The following GCSAML variants were observed in gnomAD, a reference collection of about 807,000 sequenced individuals.
The protein encoded by GCSAML is germinal center-associated signaling and motility-like protein.
In GCSAML, 9 loss-of-function variants were observed where a neutral mutation model predicts 13.0. The observed-to-expected ratio is 0.69, with a 90% CI of 0.42 to 1.21. The LOEUF is 1.21. GCSAML is among the 50% of genes most tolerant of loss of function. The pLI is 0.00. For synonymous variants in GCSAML, 37 were observed against 52.9 expected (o/e 0.70, Z 1.31); for missense variants, 143 against 153.4 (o/e 0.93, Z 0.36).
chr1:247,538,393 A>G (rs1667294666), intron 2 of GCSAML, among the ~76,000 whole-genome samples: 1 of 152,180 alleles, frequency 6.6e-6, no homozygotes, highest in Non-Finnish European at 1.5e-5. Context: ...CAGCACCTCT[A>G]TGCCAAACTT....
At chr1:247,567,898 G>A (rs1454279859) in intron 4 of GCSAML, among the ~76,000 whole-genome samples, 1 of 152,034 alleles carries the variant, frequency 6.6e-6, no homozygotes, top group Non-Finnish European at 1.5e-5. Context: ...ATCTCATTGT[G>A]GTTTTGATTT....
intron 1 of GCSAML, among the ~76,000 whole-genome samples, chr1:247,510,308 C>G (rs529500025): frequency 1.1e-4 from 17 of 152,146 alleles, no homozygotes; most frequent in Non-Finnish European, 1.9e-4. Context: ...TTATACTATT[C>G]TCTGATGGTA....
chr1:247,571,081 A>T (rs1004513723), intron 4 of GCSAML, among the ~76,000 whole-genome samples: 1 of 151,508 alleles, frequency 6.6e-6, no homozygotes, highest in Non-Finnish European at 1.5e-5. Context: ...CTTTATTTTG[A>T]GTGTATGTGT....
At chr1:247,558,487 G>A (rs79538332) in intron 2 of GCSAML, among the ~76,000 whole-genome samples, 5,035 of 152,152 alleles carry the variant, frequency 0.033, 133 homozygotes, top group East Asian at 0.088. Flanking sequence ...CAGTCATGTA[G>A]TCACCACAAT....
chr1:247,550,205 C>T (rs1667719096), intron 1 of GCSAML, among the ~76,000 whole-genome samples: 1 of 152,190 alleles, frequency 6.6e-6, no homozygotes, highest in Admixed American at 6.5e-5. Flanking sequence ...CAAAGTAGGT[C>T]AGAGAAGCTG....
At chr1:247,560,198 C>G (rs906317257) in intron 2 of GCSAML, among the ~76,000 whole-genome samples, 4 of 152,152 alleles carry the variant, frequency 2.6e-5, no homozygotes, top group African/African-American at 9.7e-5. Flanking sequence ...AGCCTCGGAA[C>G]GACAGATAAC....
chr1:247,562,346 C>A (rs1045214258), intron 2 of GCSAML, among the ~76,000 whole-genome samples: 5 of 152,130 alleles, frequency 3.3e-5, no homozygotes, highest in African/African-American at 1.2e-4. Context: ...TGCCTGAGGT[C>A]CGTGTGCCAG....
intron 1 of GCSAML, among the ~76,000 whole-genome samples, chr1:247,524,082 C>T (rs1038297975): frequency 4.0e-5 from 6 of 151,016 alleles, no homozygotes; most frequent in African/African-American, 1.2e-4. Flanking sequence ...AACCATAAAA[C>T]GAGAAGATAA....
rs1298891196 is a variant in GCSAML at position 247,576,149 on chromosome 1, T to C, written c.*1767T>C. Reference sequence around the variant, plus strand: ...CCTTATCTGAATAGCCTGAAGGTAATTTTATACAATATTTTAAATAATTTT... The same window carrying C: ...CCTTATCTGAATAGCCTGAAGGTAACTTTATACAATATTTTAAATAATTTT... On this transcript the variant is annotated 3_prime_UTR_variant, in exon 5 of 5. Coordinates refer to ENST00000366488, the MANE Select transcript of GCSAML (RefSeq NM_145278.5). 1 of 152,154 alleles carries C rather than the reference T, an allele frequency of 6.6e-6. No individual in the cohort carries two copies. Among genetic ancestry groups the C allele is most frequent in the East Asian group, 1.9e-4 (1 of 5,196 alleles). 9.4% of individuals were successfully genotyped at this position (152,154 alleles called of 1,614,324 possible).
At position 247,563,538 on chromosome 1, in the gene GCSAML, T is replaced by C. The variant is rs1668216675; in HGVS notation, c.90-52T>C. 3 of 1,118,106 alleles carry C rather than the reference T, an allele frequency of 2.7e-6. No homozygotes were observed. The African/African-American group carries it at 4.7e-5, about 17-fold the overall frequency. 69.3% of individuals were successfully genotyped at this position (1,118,106 alleles called of 1,614,324 possible). On this transcript the variant is annotated intron_variant, in intron 2 of 4. Transcript: ENST00000366488. ...CCAAATGCTTTTTTTGAAAGGCATT[T>C]TCAGCTTTGGAGAACCTGGAGTATC...
chr1:247,516,843 G>A (rs1185148016), intron 1 of GCSAML, among the ~76,000 whole-genome samples: 1 of 151,750 alleles, frequency 6.6e-6, no homozygotes, highest in Non-Finnish European at 1.5e-5. Context: ...TTGACATACA[G>A]AAAATACTTT....
At chr1:247,514,652 C>T (rs750980025) in intron 1 of GCSAML, among the ~76,000 whole-genome samples, 34 of 152,092 alleles carry the variant, frequency 2.2e-4, no homozygotes, top group African/African-American at 8.0e-4. Context: ...TTGTATAAAG[C>T]GAGAGAGGAG....
At chr1:247,550,919 C>G (rs1005002906) in intron 1 of GCSAML, among the ~76,000 whole-genome samples, 1 of 151,728 alleles carries the variant, frequency 6.6e-6, no homozygotes, top group African/African-American at 2.4e-5. Context: ...ATGGATAGGC[C>G]CCTTCAGAGA....
intron 2 of GCSAML, among the ~76,000 whole-genome samples, chr1:247,559,353 T>C (rs1668048776): frequency 6.6e-6 from 1 of 152,250 alleles, no homozygotes; most frequent in Non-Finnish European, 1.5e-5. Flanking sequence ...TTCTTTCATA[T>C]GGATTCTAAA....
chr1:247,519,800 G>C (rs975831816), intron 1 of GCSAML, among the ~76,000 whole-genome samples: 1 of 152,184 alleles, frequency 6.6e-6, no homozygotes, highest in Admixed American at 6.5e-5. Context: ...GTCTGTACTA[G>C]AGGAAAATCT....
intron 1 of GCSAML, among the ~76,000 whole-genome samples, chr1:247,521,311 C>CA (rs1666409657): frequency 1.3e-5 from 2 of 150,780 alleles, no homozygotes; most frequent in African/African-American, 2.4e-5. Context: ...ATAATGTCTC[C>CA]CTCTCCCTCT....
chr1:247,546,568 A>C (rs1027076983), upstream of GCSAML, among the ~76,000 whole-genome samples: 2 of 151,846 alleles, frequency 1.3e-5, no homozygotes, highest in African/African-American at 2.4e-5. Flanking sequence ...TCACTGTGTT[A>C]GCCAGGATGG....
chr1:247,535,268 T>C (rs2103012506), intron 2 of GCSAML, among the ~76,000 whole-genome samples: 1 of 152,290 alleles, frequency 6.6e-6, no homozygotes, highest in East Asian at 1.9e-4. Context: ...TGAGGCATGA[T>C]TGTGCTACTG....
intron 1 of GCSAML, among the ~76,000 whole-genome samples, chr1:247,517,629 G>A (rs1666256800): frequency 6.6e-6 from 1 of 152,026 alleles, no homozygotes; most frequent in Non-Finnish European, 1.5e-5. Flanking sequence ...CAGTTAACTC[G>A]CTTGACTAGA....
Sources: gnomAD v4.1 joint callset for allele counts (sites outside exome capture counted in the v4.1 genomes callset) on GRCh38, gnomAD v4.1.1 for gene constraint, MANE v1.5 for transcripts, NCBI Gene and HGNC (gene_info 2026-07-23, HGNC 2026-07-21) for gene names.